The following SEMA3C variants were observed in gnomAD, a reference collection of about 807,000 sequenced individuals.
The protein encoded by SEMA3C is semaphorin-3C.
In SEMA3C, 47 loss-of-function variants were observed where a neutral mutation model predicts 89.4. That is an observed-to-expected ratio of 0.53 (90% CI 0.42 to 0.67). The LOEUF is 0.67. SEMA3C is among the 30% of genes least tolerant of loss of function. SEMA3C has a pLI of 0.00. For synonymous variants in SEMA3C, 310 were observed against 320.2 expected (o/e 0.97, Z 0.34); for missense variants, 839 against 929.1 (o/e 0.90, Z 1.26).
chr7:80,851,310 G>T (rs1354373924), intron 2 of SEMA3C, among the ~76,000 whole-genome samples: 1 of 151,694 alleles, frequency 6.6e-6, no homozygotes, highest in African/African-American at 2.4e-5. Flanking sequence ...ATCGAGACCA[G>T]CCTGACCAAC....
chr7:80,805,593 A>T, intron 7 of SEMA3C, 46 bp downstream of exon 7: 1 of 1,528,536 alleles, frequency 6.5e-7, no homozygotes, highest in Non-Finnish European at 8.9e-7. Flanking sequence ...TAAATAAGTT[A>T]GTTTAACACG....
rs556722415 is a variant in SEMA3C, at chr7:80,915,324, C to A, written c.103+1355G>T. On this transcript the variant is annotated intron_variant, in intron 2 of 17. Transcript: ENST00000265361. ...TAAGGGGAAATGCCTTGCATGGAGG[C>A]TAAGGAAGCAATTAGAAGCTCACAC... Among the ~76,000 whole-genome samples, 105 of 152,218 alleles carry A rather than the reference C, an allele frequency of 6.9e-4. 1 individual carries two copies. The highest frequency in any genetic ancestry group is 2.3e-3 in the African/African-American group (95 of 41,538).
At chr7:80,899,203 G>A (rs990194867) in intron 2 of SEMA3C, among the ~76,000 whole-genome samples, 4 of 152,068 alleles carry the variant, frequency 2.6e-5, no homozygotes, top group African/African-American at 4.8e-5. Flanking sequence ...ACTGCGCCCG[G>A]CTACTTTTTG....
chr7:80,752,614 CAAA>C (rs10660428), intron 15 of SEMA3C, among the ~76,000 whole-genome samples: 2,684 of 111,268 alleles, frequency 0.024, 52 homozygotes, highest in African/African-American at 0.065. Context: ...GACTCCATCT[CAAA>C]AAAAAAAAAA....
At chr7:80,811,289 T>C (rs1420856254) in intron 5 of SEMA3C, among the ~76,000 whole-genome samples, 1 of 151,998 alleles carries the variant, frequency 6.6e-6, no homozygotes, top group African/African-American at 2.4e-5. Context: ...GCAAACAAAA[T>C]ACACTAAAAT....
intron 13 of SEMA3C, among the ~76,000 whole-genome samples, chr7:80,762,883 A>G (rs1788217454): frequency 6.6e-6 from 1 of 152,222 alleles, no homozygotes; most frequent in Admixed American, 6.5e-5. Flanking sequence ...GAATAACTCA[A>G]GTGGCAACAA....
intron 4 of SEMA3C, among the ~76,000 whole-genome samples, chr7:80,819,822 T>TA (rs757213634): frequency 2.0e-5 from 3 of 152,184 alleles, no homozygotes; most frequent in Non-Finnish European, 2.9e-5. Flanking sequence ...CCACCAAATG[T>TA]TCCACAGTTA....
chr7:80,876,984 A>C (rs1583970285), intron 2 of SEMA3C, among the ~76,000 whole-genome samples: 1 of 152,238 alleles, frequency 6.6e-6, no homozygotes, highest in Middle Eastern at 3.4e-3. Flanking sequence ...CAATAATTAC[A>C]TCCCAGTGGT....
chr7:80,802,713 A>G lies in SEMA3C; in HGVS notation c.868T>C (p.Cys290Arg). 6.2e-7 allele frequency: 1 copy of G among 1,613,630 alleles called. No homozygotes were observed. Among genetic ancestry groups the G allele is most frequent in the Non-Finnish European group, 8.5e-7 (1 of 1,179,616 alleles). Reference protein sequence around the residue: ...WTTFLKARLVCSVTDEDGPET... With the variant: ...WTTFLKARLVRSVTDEDGPET... ...GGGCCGTCTTCATCTGTTACCGAGC[A>G]CACCAGCCTCGCCTTTAAGAAAGTG... Residue 290 changes from cysteine (C) to arginine (R), a missense_variant, in exon 9 of 18, where the codon TGC (cysteine) becomes CGC (arginine). Transcript: ENST00000265361.
intron 2 of SEMA3C, among the ~76,000 whole-genome samples, chr7:80,897,411 T>G (rs1791765810): frequency 6.6e-6 from 1 of 152,148 alleles, no homozygotes; most frequent in Non-Finnish European, 1.5e-5. Flanking sequence ...CAGGAGAGAT[T>G]CAGTAGTAAA....
intron 11 of SEMA3C, among the ~76,000 whole-genome samples, chr7:80,796,963 A>G (rs1371019963): frequency 2.0e-5 from 3 of 152,194 alleles, no homozygotes; most frequent in Non-Finnish European, 2.9e-5. Context: ...CAATATTGCA[A>G]ATAAACTCTA....
chr7:80,779,639 A>G (rs191951543), intron 12 of SEMA3C, among the ~76,000 whole-genome samples: 3 of 152,240 alleles, frequency 2.0e-5, no homozygotes, highest in East Asian at 3.9e-4. Flanking sequence ...AAAATGATCT[A>G]CCTAAAAATG....
chr7:80,889,593 A>G (rs902076085), intron 2 of SEMA3C, among the ~76,000 whole-genome samples: 2 of 152,148 alleles, frequency 1.3e-5, no homozygotes, highest in Non-Finnish European at 2.9e-5. Flanking sequence ...CATTATTAGT[A>G]AAAGTATAGA....
At chr7:80,919,417 T>TA (rs1411718683), upstream of SEMA3C, 3 of 971,938 alleles carry the variant, frequency 3.1e-6, no homozygotes, top group African/African-American at 1.8e-5. Context: ...CTCGAAGACT[T>TA]ACACAGGCTT....
chr7:80,852,649 A>T (rs1254369520), intron 2 of SEMA3C, among the ~76,000 whole-genome samples: 2 of 151,924 alleles, frequency 1.3e-5, no homozygotes, highest in Non-Finnish European at 2.9e-5. Context: ...TAATAATCCA[A>T]TTTTAAAGTG....
At chr7:80,869,936 A>G (rs1209258280) in intron 2 of SEMA3C, among the ~76,000 whole-genome samples, 1 of 152,112 alleles carries the variant, frequency 6.6e-6, no homozygotes, top group African/African-American at 2.4e-5. Flanking sequence ...CTGCTCACCA[A>G]TTCTTCCTTT....
chr7:80,774,568 G>T (rs1451614290), intron 12 of SEMA3C, among the ~76,000 whole-genome samples: 3 of 152,016 alleles, frequency 2.0e-5, no homozygotes, highest in African/African-American at 7.2e-5. Flanking sequence ...TATAATAACA[G>T]AAATAAAATA....
At chr7:80,917,949 C>CA (rs1792316165) in intron 1 of SEMA3C, among the ~76,000 whole-genome samples, 2 of 152,076 alleles carry the variant, frequency 1.3e-5, no homozygotes, top group African/African-American at 2.4e-5. Context: ...CAATTTTAAA[C>CA]AAAAATTGTA....
In SEMA3C at chr7:80,907,872, G is replaced by A. The variant is rs866149863; in HGVS notation, c.103+8807C>T. ...GACATGTTATTTAAAAGGCTCCAAC[G>A]TATCCACCATACCATATCTAAACTT... On this transcript the variant is annotated intron_variant, in intron 2 of 17. Coordinates refer to ENST00000265361, the MANE Select transcript of SEMA3C (RefSeq NM_006379.5). Among the ~76,000 whole-genome samples the A allele has an allele frequency of 1.7e-4, 26 of 152,026 alleles. No individual in the cohort carries two copies. In the Middle Eastern group the frequency reaches 0.014, roughly 80 times the overall value.
Sources: allele counts gnomAD v4.1 joint callset (sites outside exome capture counted in the v4.1 genomes callset), GRCh38; gene constraint gnomAD v4.1.1; transcripts MANE v1.5; gene names NCBI Gene and HGNC (gene_info 2026-07-23, HGNC 2026-07-21).